Variants in ZNF451 observed in about 807,000 individuals in gnomAD.
ZNF451 encodes zinc finger protein 451, also known as E3 SUMO-protein ligase ZNF451.
ZNF451 carries 80 observed loss-of-function variants against 107.1 expected under a neutral mutation model. That is an observed-to-expected ratio of 0.75 (90% CI 0.62 to 0.90). The LOEUF (loss-of-function observed/expected upper bound fraction) is 0.90, where lower values mean the gene tolerates loss of function less well. ZNF451 is among the 40% of genes least tolerant of loss of function. The pLI is 0.00. For synonymous variants in ZNF451, 362 were observed against 406.5 expected, an observed-to-expected ratio of 0.89 and a Z score of 1.32; for missense variants, 1,107 against 1,236.2, an observed-to-expected ratio of 0.90 and a Z score of 1.57.
chr6:57,168,180 C>T (rs1237058961), intron 14 of ZNF451, among the ~76,000 whole-genome samples: 4 of 151,968 alleles, frequency 2.6e-5, no homozygotes, highest in African/African-American at 9.7e-5. Flanking sequence ...TTTCTACATT[C>T]CTAAGTGGAA....
rs555371823 is a variant in ZNF451 at position 57,151,090 on chromosome 6, G to T, written c.2752+228G>T. 2.1e-5 allele frequency: 9 copies of T among 422,704 alleles called. No individual in the cohort carries two copies. The South Asian group carries it at 3.4e-4, about 16-fold the overall frequency. 26.2% of individuals were successfully genotyped at this position (422,704 alleles called of 1,614,324 possible). A position where few individuals can be genotyped will look rare whatever the true frequency, so the allele number is the denominator to read the frequency against. ...GTTTATGGATCTTTTGGCCGGGCGC[G>T]GTGGCTCACGTCTGTAATCCCAGAA... On this transcript the variant is annotated intron_variant, in intron 11 of 14. Transcript: ENST00000370706.
chr6:57,139,526 T>C (rs1831646403), intron 7 of ZNF451, among the ~76,000 whole-genome samples: 1 of 152,200 alleles, frequency 6.6e-6, no homozygotes, highest in Non-Finnish European at 1.5e-5. Context: ...GTTCTAGTGT[T>C]AATGATAGTA....
chr6:57,131,736 G>T (rs894149063), intron 5 of ZNF451, among the ~76,000 whole-genome samples: 2 of 151,978 alleles, frequency 1.3e-5, no homozygotes, highest in African/African-American at 4.8e-5. Context: ...AAATGCTTAG[G>T]GGCTTTGTAG....
Position 57,124,716 on chromosome 6 carries a change from AT to A in ZNF451, c.187-11del, listed in dbSNP as rs755569916. 22 of 1,533,414 alleles carry A rather than the reference AT, an allele frequency of 1.4e-5. No homozygotes were observed. The Admixed American group carries it at 2.5e-4, about 17-fold the overall frequency. 95.0% of individuals were successfully genotyped at this position (1,533,414 alleles called of 1,614,324 possible). A position where few individuals can be genotyped will look rare whatever the true frequency, so the allele number is the denominator to read the frequency against. On this transcript the variant is annotated splice_polypyrimidine_tract_variant and intron_variant, in intron 3 of 14. Coordinates refer to ENST00000370706, the MANE Select transcript of ZNF451 (RefSeq NM_001031623.3). ...GCTAATTTTGTTAAAAGGAATGAAAATTTTTTTCATGTTATAGGAGAATATT... is the reference window on the plus strand; with the variant it reads ...GCTAATTTTGTTAAAAGGAATGAAAATTTTTTCATGTTATAGGAGAATATT...
chr6:57,105,330 T>G, intron 3 of ZNF451: 2 of 983,912 alleles, frequency 2.0e-6, no homozygotes, highest in Non-Finnish European at 2.4e-6. Flanking sequence ...AGAGACAATA[T>G]GGTTTCTTGT....
intron 12 of ZNF451, 58 bp downstream of exon 12, chr6:57,152,409 TC>T (rs1251712334): frequency 6.3e-7 from 1 of 1,597,546 alleles, no homozygotes; most frequent in Admixed American, 1.7e-5. Flanking sequence ...TGCATTTTTT[TC>T]CCCACTTGAA....
intron 14 of ZNF451, among the ~76,000 whole-genome samples, chr6:57,161,866 A>T: frequency 6.6e-6 from 1 of 152,074 alleles, no homozygotes; most frequent in Non-Finnish European, 1.5e-5. Flanking sequence ...CCCAGCTAAA[A>T]ATTAAAATTC....
chr6:57,153,406 C>CT (rs112816489), intron 12 of ZNF451, among the ~76,000 whole-genome samples: 1,892 of 142,064 alleles, frequency 0.013, 31 homozygotes, highest in African/African-American at 0.045. Context: ...TTCTTTCTCT[C>CT]TTTTTTTTTT....
chr6:57,145,245 A>C (rs1161194164), intron 9 of ZNF451, among the ~76,000 whole-genome samples: 1 of 152,192 alleles, frequency 6.6e-6, no homozygotes, highest in African/African-American at 2.4e-5. Flanking sequence ...CTAGTTCTTC[A>C]GTGCAAAAGC....
At chr6:57,109,801 T>C in intron 3 of ZNF451, 2 of 747,410 alleles carry the variant, frequency 2.7e-6, no homozygotes, top group Non-Finnish European at 3.3e-6. Context: ...AGTGTATATG[T>C]ATGTGTATAC....
intron 7 of ZNF451, 97 bp from the exon 8 acceptor site, chr6:57,141,205 T>C (rs954697677): frequency 2.9e-6 from 3 of 1,035,110 alleles, no homozygotes; most frequent in Non-Finnish European, 4.0e-6. Flanking sequence ...TACAGGATAT[T>C]GCGAATAAAC....
At chr6:57,138,792 ATT>A (rs397973821) in intron 7 of ZNF451, among the ~76,000 whole-genome samples, 2 of 77,624 alleles carry the variant, frequency 2.6e-5, no homozygotes, top group Admixed American at 1.6e-4. Flanking sequence ...TATATATAAA[ATT>A]TTTTTTTTTT....
chr6:57,099,409 A>T, intron 3 of ZNF451: 1 of 711,316 alleles, frequency 1.4e-6, no homozygotes, highest in Middle Eastern at 2.3e-4. Flanking sequence ...ATGGAAATGG[A>T]ATAAAAACTG....
chr6:57,101,935 C>T, intron 3 of ZNF451: 1 of 1,550,488 alleles, frequency 6.4e-7, no homozygotes, highest in East Asian at 2.4e-5. Context: ...CTATAAAGAT[C>T]ACAAATACTA....
At chr6:57,122,915 C>T (rs1830713177) in intron 3 of ZNF451, among the ~76,000 whole-genome samples, 1 of 152,156 alleles carries the variant, frequency 6.6e-6, no homozygotes, top group Non-Finnish European at 1.5e-5. Flanking sequence ...TGGCTCACAC[C>T]TGTAATCCCA....
At chr6:57,125,352 A>C (rs974531540) in intron 4 of ZNF451, among the ~76,000 whole-genome samples, 2 of 152,200 alleles carry the variant, frequency 1.3e-5, no homozygotes, top group African/African-American at 4.8e-5. Flanking sequence ...CATTTTTAGA[A>C]TCTTGCATGA....
intron 13 of ZNF451, chr6:57,158,518 A>C: frequency 1.0e-6 from 1 of 985,392 alleles, no homozygotes; most frequent in Non-Finnish European, 1.2e-6. Context: ...CCATCTTTAC[A>C]GGCTCCTCGA....
intron 3 of ZNF451, chr6:57,103,532 G>C: frequency 4.1e-6 from 4 of 985,282 alleles, no homozygotes; most frequent in Non-Finnish European, 3.6e-6. Context: ...TGGATGTATG[G>C]TATATCAGCC....
intron 3 of ZNF451, 100 bp downstream of exon 3, chr6:57,099,241 A>G: frequency 1.1e-6 from 1 of 938,990 alleles, no homozygotes; most frequent in Non-Finnish European, 1.7e-6. Flanking sequence ...GTTTAGAAAT[A>G]GCCAGTTCTA....
Sources: allele counts gnomAD v4.1 joint callset (sites outside exome capture counted in the v4.1 genomes callset), GRCh38; gene constraint gnomAD v4.1.1; transcripts MANE v1.5; gene names NCBI Gene and HGNC (gene_info 2026-07-23, HGNC 2026-07-21).